The following TRIM58 variants were observed in gnomAD, a reference collection of about 807,000 sequenced individuals.
TRIM58 encodes E3 ubiquitin-protein ligase TRIM58.
Under a neutral mutation model 34.1 loss-of-function variants are expected in TRIM58, and 38 were observed. The observed-to-expected ratio is 1.12, with a 90% CI of 0.86 to 1.46. TRIM58 has a LOEUF of 1.46. TRIM58 is among the 40% of genes most tolerant of loss of function. The pLI is 0.00. For synonymous variants in TRIM58, 273 were observed against 275.7 expected (o/e 0.99, Z 0.10); for missense variants, 677 against 642.0 (o/e 1.05, Z -0.59).
Position 247,857,587 on chromosome 1 carries a change from T to TGTGCTGGGTGTGCGACGCC in TRIM58, c.343_361dup (p.Gly121ValfsTer73). The stretch of plus-strand genomic sequence containing the variant: ...TTCTGCGAGGAGGACGAGGCGGCGC[T>TGTGCTGGGTGTGCGACGCC]GTGCTGGGTGTGCGACGCCGGCCCC... On this transcript the variant is annotated frameshift_variant, in exon 1 of 6. Coordinates refer to ENST00000366481, the MANE Select transcript of TRIM58 (RefSeq NM_015431.4). LOFTEE classifies it high-confidence loss of function. 1 of 1,259,324 alleles carries TGTGCTGGGTGTGCGACGCC rather than the reference T, an allele frequency of 7.9e-7. No homozygotes were observed. The highest frequency in any genetic ancestry group is 9.9e-7 in the Non-Finnish European group (1 of 1,005,920). The allele number at this position is 1,259,324 out of a possible 1,614,324, so 78.0% of individuals were successfully genotyped here.
At chr1:247,865,926 TA>T (rs1368706976) in intron 3 of TRIM58, among the ~76,000 whole-genome samples, 1 of 152,202 alleles carries the variant, frequency 6.6e-6, no homozygotes, top group African/African-American at 2.4e-5. Flanking sequence ...ACCATGAATA[TA>T]AATAATCCTA....
rs1192337108 is a variant in TRIM58, at chr1:247,876,158, C to T, written c.1130C>T (p.Pro377Leu). The stretch of plus-strand genomic sequence containing the variant: ...AGAAAGGGGGAAACCACGCCATCTC[C>T]TGAGAATGGGGTCTGGGCCCTGTGG... ...LPRKGETTPS[P>L]ENGVWALWLL... Residue 377 changes from proline to leucine, a missense_variant, in exon 6 of 6, where the codon CCT becomes CTT. Coordinates refer to ENST00000366481, the MANE Select transcript of TRIM58 (RefSeq NM_015431.4). 1.1e-5 allele frequency: 17 copies of T among 1,614,056 alleles called. No individual in the cohort carries two copies. The highest frequency in any genetic ancestry group is 4.5e-5 in the East Asian group (2 of 44,898).
At chr1:247,869,046 C>T (rs1663998781) in intron 5 of TRIM58, among the ~76,000 whole-genome samples, 2 of 152,206 alleles carry the variant, frequency 1.3e-5, no homozygotes, top group East Asian at 3.8e-4. Context: ...ATTACAGGCA[C>T]ATGCCACCAT....
chr1:247,861,521 C>T (rs903159086), intron 2 of TRIM58, among the ~76,000 whole-genome samples: 3 of 151,962 alleles, frequency 2.0e-5, no homozygotes, highest in Admixed American at 6.6e-5. Flanking sequence ...TGAGAAACTA[C>T]GTATAGAAAC....
rs549318250 is a variant in TRIM58, at chr1:247,864,681, A to G, written c.517-24A>G. 5.5e-5 allele frequency: 89 copies of G among 1,612,002 alleles called. No homozygotes were observed. The South Asian group carries it at 9.0e-4, about 16-fold the overall frequency. The stretch of plus-strand genomic sequence containing the variant: ...GGCTGCTGGAGGCCAAGCACTGACG[A>G]TGTGATCCACGGTGTCACCTCAGGA... On this transcript the variant is annotated intron_variant, in intron 2 of 5. Coordinates refer to ENST00000366481, the MANE Select transcript of TRIM58 (RefSeq NM_015431.4).
At chr1:247,860,842 G>C (rs1663775978) in intron 2 of TRIM58, 130 bp downstream of exon 2, 1 of 671,502 alleles carries the variant, frequency 1.5e-6, no homozygotes. Context: ...GAGCACCTCA[G>C]AGCCATCCTG....
At position 247,871,340 on chromosome 1, in the gene TRIM58, C is replaced by T. The variant is rs111941169; in HGVS notation, c.871+3277C>T. Among the ~76,000 whole-genome samples, 152 of 152,174 alleles carry T rather than the reference C, an allele frequency of 1.0e-3. 1 individual carries two copies. Among genetic ancestry groups the T allele is most frequent in the African/African-American group, 3.4e-3 (142 of 41,504 alleles). Reference sequence around the variant, plus strand: ...TGATGAGTTGCTTGAATTAGTGAGTCAATAAAGCCAAAAATATTGTCAGTT... The same window carrying T: ...TGATGAGTTGCTTGAATTAGTGAGTTAATAAAGCCAAAAATATTGTCAGTT... On this transcript the variant is annotated intron_variant, in intron 5 of 5. Coordinates refer to ENST00000366481, the MANE Select transcript of TRIM58 (RefSeq NM_015431.4).
At position 247,857,218 on chromosome 1, in the gene TRIM58, C is replaced by A. The variant is rs746274768; in HGVS notation, c.-29C>A. On this transcript the variant is annotated 5_prime_UTR_variant, in exon 1 of 6. Coordinates refer to ENST00000366481, the MANE Select transcript of TRIM58 (RefSeq NM_015431.4). ...CGCGAGGGGAGACGGTGCGGGCGGC[C>A]GGGAGCGCAGCCCTCCGGGAGGCGG... 3.1e-6 allele frequency: 4 copies of A among 1,307,472 alleles called. No homozygotes were observed. The African/African-American group carries it at 6.2e-5, about 20-fold the overall frequency. 81.0% of individuals were successfully genotyped at this position (1,307,472 alleles called of 1,614,324 possible). A position where few individuals can be genotyped will look rare whatever the true frequency, so the allele number is the denominator to read the frequency against.
chr1:247,858,788 TCTAGTTCTGTAG>T (rs1171676568), intron 1 of TRIM58, among the ~76,000 whole-genome samples: 3 of 108,100 alleles, frequency 2.8e-5, no homozygotes, highest in African/African-American at 1.1e-4. Flanking sequence ...TGAGACGGAG[TCTAGTTCTGTAG>T]CTCAGGCTGG....
At chr1:247,862,124 G>A (rs1453646514) in intron 2 of TRIM58, among the ~76,000 whole-genome samples, 3 of 151,850 alleles carry the variant, frequency 2.0e-5, no homozygotes, top group African/African-American at 2.4e-5. Flanking sequence ...GTGAAACTCT[G>A]TCTCAGACAA....
chr1:247,859,945 A>AT (rs780380132), intron 1 of TRIM58, among the ~76,000 whole-genome samples: 2 of 151,572 alleles, frequency 1.3e-5, no homozygotes, highest in Admixed American at 6.6e-5. Context: ...TTACCAGCAC[A>AT]TTTTTTTTCA....
rs12057782 is a variant in TRIM58, at chr1:247,860,549, C to T, written c.421-68C>T. On this transcript the variant is annotated intron_variant, in intron 1 of 5. Coordinates refer to ENST00000366481, the MANE Select transcript of TRIM58 (RefSeq NM_015431.4). Reference sequence around the variant, plus strand: ...CTGTTTAAGTTGACTTTTGTATTTCCTCACACATCTGTGTGACGTTAGGTA... The same window carrying T: ...CTGTTTAAGTTGACTTTTGTATTTCTTCACACATCTGTGTGACGTTAGGTA... The T allele has an allele frequency of 3.8e-3, 4,137 of 1,081,370 alleles. 111 individuals carry two copies. The African/African-American group carries it at 0.058, about 15-fold the overall frequency. The allele number at this position is 1,081,370 out of a possible 1,614,324, so 67.0% of individuals were successfully genotyped here.
At chr1:247,862,759 T>A (rs902943090) in intron 2 of TRIM58, among the ~76,000 whole-genome samples, 1 of 152,236 alleles carries the variant, frequency 6.6e-6, no homozygotes, top group Non-Finnish European at 1.5e-5. Context: ...CCATCAAGAA[T>A]GTCTCCATGT....
chr1:247,867,989 CAG>C lies in TRIM58; in HGVS notation c.801_802del (p.Asn268HisfsTer59), dbSNP rs763459127. 1 of 1,613,054 alleles carries C rather than the reference CAG, an allele frequency of 6.2e-7. No homozygotes were observed. The highest frequency in any genetic ancestry group is 1.1e-5 in the South Asian group (1 of 90,860). On this transcript the variant is annotated frameshift_variant, in exon 5 of 6. Coordinates refer to ENST00000366481, the MANE Select transcript of TRIM58 (RefSeq NM_015431.4). LOFTEE classifies it high-confidence loss of function. ...AGTAAGGCTGTCACAAGGCTGGAAG[CAG>C]AGAACATCCCCATGGAACTGAAGAC...
chr1:247,868,864 C>T (rs941373168), intron 5 of TRIM58, among the ~76,000 whole-genome samples: 5 of 152,114 alleles, frequency 3.3e-5, no homozygotes, highest in Non-Finnish European at 7.4e-5. Flanking sequence ...TTTGGAACCT[C>T]CGTGTGTTCA....
At chr1:247,867,786 T>C in intron 3 of TRIM58, 59 bp from the exon 4 acceptor site, 1 of 1,609,126 alleles carries the variant, frequency 6.2e-7, no homozygotes, top group Non-Finnish European at 8.5e-7. Flanking sequence ...GGGTCTTCAG[T>C]CTGACTGTGA....
Position 247,876,196 on chromosome 1 carries a change from A to G in TRIM58, c.1168A>G (p.Asn390Asp). The G allele has an allele frequency of 6.2e-7, 1 of 1,614,120 alleles. No homozygotes were observed. The highest frequency in any genetic ancestry group is 8.5e-7 in the Non-Finnish European group (1 of 1,180,018). Residue 390 changes from asparagine to aspartate, a missense_variant, in exon 6 of 6, where the codon AAT becomes GAT. Coordinates refer to ENST00000366481, the MANE Select transcript of TRIM58 (RefSeq NM_015431.4). ...GVWALWLLKGNEYMVLASPSV... is the reference protein window; with the variant it reads ...GVWALWLLKGDEYMVLASPSV... ...CTGGGCCCTGTGGCTGCTGAAAGGGAATGAGTACATGGTCCTTGCCTCCCC... is the reference window on the plus strand; with the variant it reads ...CTGGGCCCTGTGGCTGCTGAAAGGGGATGAGTACATGGTCCTTGCCTCCCC...
intron 5 of TRIM58, among the ~76,000 whole-genome samples, chr1:247,870,100 A>C (rs780019900): frequency 9.2e-5 from 14 of 152,146 alleles, no homozygotes; most frequent in Non-Finnish European, 1.6e-4. Flanking sequence ...ATATGAGCTA[A>C]ATTAATTAAA....
intron 3 of TRIM58, among the ~76,000 whole-genome samples, chr1:247,865,514 A>G (rs1175307893): frequency 6.6e-6 from 1 of 152,208 alleles, no homozygotes; most frequent in Admixed American, 6.5e-5. Context: ...TAAATTGTCC[A>G]GCTTGAAATT....
Sources: gnomAD v4.1 joint callset for allele counts (sites outside exome capture counted in the v4.1 genomes callset) on GRCh38, gnomAD v4.1.1 for gene constraint, MANE v1.5 for transcripts, NCBI Gene and HGNC (gene_info 2026-07-23, HGNC 2026-07-21) for gene names.